Variants in OR4K14 observed in about 807,000 individuals in gnomAD.
OR4K14 encodes olfactory receptor family 4 subfamily K member 14.
For missense variants in OR4K14, 406 were observed against 373.6 expected (o/e 1.09, Z -0.72); for synonymous variants, 153 against 141.5 (o/e 1.08, Z -0.58).
At chr14:20,016,627 T>C (rs9323359) in intron 1 of OR4K14, among the ~76,000 whole-genome samples, 3,787 of 152,128 alleles carry the variant, frequency 0.025, 149 homozygotes, top group African/African-American at 0.084. Context: ...TGGGACTCTT[T>C]CCTCTTTCTT....
In OR4K14 at chr14:20,015,062, G is replaced by A. The variant is rs1239244740; in HGVS notation, c.132C>T (p.Leu44=). ...GATCAGAAATTACAGTGACCAAAATGAGAAGGTTACCCAGCATAATGGCCA... is the reference window on the plus strand; with the variant it reads ...GATCAGAAATTACAGTGACCAAAATAAGAAGGTTACCCAGCATAATGGCCA... The part of the protein sequence containing the change: ...VYVAIMLGNL[L]ILVTVISDPC... The change falls in exon 2 of 2, where the codon CTC becomes CTT. Residue 44 remains leucine, a synonymous_variant. Transcript: ENST00000641793. 1.2e-6 allele frequency: 2 copies of A among 1,613,864 alleles called. No homozygotes were observed. The highest frequency in any genetic ancestry group is 1.7e-5 in the Admixed American group (1 of 59,988).
Position 20,014,387 on chromosome 14 carries a change from G to T in OR4K14, c.807C>A (p.Asp269Glu). 6.2e-7 allele frequency: 1 copy of T among 1,613,932 alleles called. No homozygotes were observed. Among genetic ancestry groups the T allele is most frequent in the Non-Finnish European group, 8.5e-7 (1 of 1,179,894 alleles). ...YVRPFSRFSVDKLLSVFYTIF... is the reference protein window; with the variant it reads ...YVRPFSRFSVEKLLSVFYTIF... The stretch of plus-strand genomic sequence containing the variant: ...TGGTATAAAACACAGACAGCAGCTT[G>T]TCCACAGAGAACCTACTGAAAGGCC... Residue 269 changes from aspartate to glutamate, a missense_variant, in exon 2 of 2, where the codon GAC becomes GAA. Transcript: ENST00000641793.
chr14:20,018,065 G>A (rs1322324641), intron 1 of OR4K14, among the ~76,000 whole-genome samples: 1 of 151,962 alleles, frequency 6.6e-6, no homozygotes, highest in Admixed American at 6.5e-5. Flanking sequence ...ATTTAATGTT[G>A]TTCCTTTATA....
chr14:20,015,324 C>T, intron 1 of OR4K14, 102 bp from the exon 2 acceptor site: 1 of 569,940 alleles, frequency 1.8e-6, no homozygotes. Flanking sequence ...AATGATGTCA[C>T]TTAATATGTG....
At chr14:20,017,667 G>A (rs1768819281) in intron 1 of OR4K14, among the ~76,000 whole-genome samples, 2 of 152,002 alleles carry the variant, frequency 1.3e-5, no homozygotes, top group African/African-American at 4.8e-5. Flanking sequence ...ACTAGACAAT[G>A]GGAAGGGTAG....
intron 1 of OR4K14, among the ~76,000 whole-genome samples, 155 bp downstream of exon 1, chr14:20,018,987 AT>A (rs1877153883): frequency 6.6e-6 from 1 of 152,046 alleles, no homozygotes; most frequent in Admixed American, 6.6e-5. Flanking sequence ...TTAAATTAAA[AT>A]ATAAATCCAA....
chr14:20,015,197 C>T lies in OR4K14; in HGVS notation c.-4G>A. 1 of 1,575,902 alleles carries T rather than the reference C, an allele frequency of 6.3e-7. No homozygotes were observed. Among genetic ancestry groups the T allele is most frequent in the Non-Finnish European group, 8.6e-7 (1 of 1,161,536 alleles). On this transcript the variant is annotated 5_prime_UTR_variant, in exon 2 of 2. Transcript: ENST00000641793. ...AGGAATAGTTCTGTGGGTCCATTGC[C>T]TCAGGTTTCAGACTTTGTTTGTAAT...
chr14:20,014,613 T>G lies in OR4K14; in HGVS notation c.581A>C (p.Tyr194Ser), dbSNP rs531583013. Reference sequence around the variant, plus strand: ...TGAGATCATAATTATACCCAAGACATAGGTGTCCATGCAGGCAAGTTTGAT... The same window carrying G: ...TGAGATCATAATTATACCCAAGACAGAGGTGTCCATGCAGGCAAGTTTGAT... ...LVIKLACMDT[Y>S]VLGIIMISDS... The change falls in exon 2 of 2, where the codon TAT (tyrosine) becomes TCT (serine). Residue 194 changes from tyrosine (Y) to serine (S), a missense_variant. Coordinates refer to ENST00000641793, the MANE Select transcript of OR4K14 (RefSeq NM_001004712.2). 1 of 1,613,836 alleles carries G rather than the reference T, an allele frequency of 6.2e-7. No homozygotes were observed. The highest frequency in any genetic ancestry group is 1.7e-5 in the Admixed American group (1 of 59,994).
In OR4K14 at chr14:20,014,649, A is replaced by G. The variant is rs1877052475; in HGVS notation, c.545T>C (p.Leu182Pro). Residue 182 changes from leucine to proline, a missense_variant, in exon 2 of 2, where the codon CTC becomes CCC. Coordinates refer to ENST00000641793, the MANE Select transcript of OR4K14 (RefSeq NM_001004712.2). ...PNEVDSFFCDLPLVIKLACMD... is the reference protein window; with the variant it reads ...PNEVDSFFCDPPLVIKLACMD... ...GCAGGCAAGTTTGATCACCAGAGGG[A>G]GGTCACAGAAGAAGCTGTCTACCTC... 4 of 1,613,946 alleles carry G rather than the reference A, an allele frequency of 2.5e-6. No homozygotes were observed. Among genetic ancestry groups the G allele is most frequent in the Non-Finnish European group, 3.4e-6 (4 of 1,179,972 alleles).
At chr14:20,018,793 T>C (rs1877150019) in intron 1 of OR4K14, among the ~76,000 whole-genome samples, 1 of 151,986 alleles carries the variant, frequency 6.6e-6, no homozygotes, top group South Asian at 2.1e-4. Flanking sequence ...CTTTATGATA[T>C]ATAAATTATA....
chr14:20,017,523 A>T (rs1877122741), intron 1 of OR4K14, among the ~76,000 whole-genome samples: 1 of 97,662 alleles, frequency 1.0e-5, no homozygotes, highest in Admixed American at 1.3e-4. Context: ...CTATAAATGA[A>T]TTAGATCATT....
intron 1 of OR4K14, among the ~76,000 whole-genome samples, chr14:20,016,662 G>A (rs1010722533): frequency 6.6e-6 from 1 of 152,018 alleles, no homozygotes; most frequent in Admixed American, 6.6e-5. Context: ...ACCTGGATAT[G>A]TATAATTTGC....
chr14:20,014,225 TGAATAGAAACA>T lies in OR4K14; in HGVS notation c.*25_*35del. The T allele has an allele frequency of 7.7e-7, 1 of 1,297,662 alleles. No homozygotes were observed. The allele number at this position is 1,297,662 out of a possible 1,614,324, so 80.4% of individuals were successfully genotyped here. A position where few individuals can be genotyped will look rare whatever the true frequency, so the allele number is the denominator to read the frequency against. ...TATTAAAGAAATTATATCTGCTGAA[TGAATAGAAACA>T]TCTAACACTATGGAAGGCTGGATTT... On this transcript the variant is annotated 3_prime_UTR_variant, in exon 2 of 2. Coordinates refer to ENST00000641793, the MANE Select transcript of OR4K14 (RefSeq NM_001004712.2).
rs74509953 is a variant in OR4K14 at position 20,015,421 on chromosome 14, G to A, written c.-29-199C>T. Among the ~76,000 whole-genome samples, 708 of 152,188 alleles carry A rather than the reference G, an allele frequency of 4.7e-3. 4 individuals are homozygous for A. The highest frequency in any genetic ancestry group is 0.016 in the African/African-American group (673 of 41,518). ...AAGGAGAAGGGTGAGGGATAAGTTC[G>A]TCAAAGAACAAAGTTTCAATTAGAC... On this transcript the variant is annotated intron_variant, in intron 1 of 1. Coordinates refer to ENST00000641793, the MANE Select transcript of OR4K14 (RefSeq NM_001004712.2).
Position 20,014,298 on chromosome 14 carries a change from A to G in OR4K14, c.896T>C (p.Met299Thr), listed in dbSNP as rs781302555. The change falls in exon 2 of 2, where the codon ATG (methionine) becomes ACG (threonine). Residue 299 changes from methionine (M) to threonine (T), a missense_variant. By Grantham distance (81) the Met-to-Thr change is moderately conservative (BLOSUM62 -1). Transcript: ENST00000641793. ...CACCCGTCGGTTTTGCAGTTTCTTC[A>G]TAGCTGCTTTCATCTCCTCATTTCT... ...TLRNEEMKAA[M>T]KKLQNRRVTF... is the part of the protein sequence containing the mutation. 4 of 1,611,482 alleles carry G rather than the reference A, an allele frequency of 2.5e-6. No individual in the cohort carries two copies. Among genetic ancestry groups the G allele is most frequent in the Non-Finnish European group, 3.4e-6 (4 of 1,178,900 alleles).
intron 1 of OR4K14, among the ~76,000 whole-genome samples, chr14:20,017,707 G>A (rs926172036): frequency 2.0e-5 from 3 of 151,928 alleles, no homozygotes; most frequent in Non-Finnish European, 4.4e-5. Flanking sequence ...AAGGGAGGAT[G>A]ATTAATGAGT....
rs530089653 is a variant in OR4K14, at chr14:20,014,193, A to T, written c.*68T>A. 23 of 982,530 alleles carry T rather than the reference A, an allele frequency of 2.3e-5. No homozygotes were observed. The East Asian group carries it at 5.4e-4, about 23-fold the overall frequency. The allele number at this position is 982,530 out of a possible 1,614,324, so 60.9% of individuals were successfully genotyped here. A position where few individuals can be genotyped will look rare whatever the true frequency, so the allele number is the denominator to read the frequency against. ...TAGTGTCAGAATGAAATCTTTGAGC[A>T]GAATTATATTAAAGAAATTATATCT... On this transcript the variant is annotated 3_prime_UTR_variant, in exon 2 of 2. Transcript: ENST00000641793.
Position 20,014,709 on chromosome 14 carries a change from G to T in OR4K14, c.485C>A (p.Ala162Asp). Residue 162 changes from alanine (A) to aspartate (D), a missense_variant, in exon 2 of 2, where the codon GCT becomes GAT. By Grantham distance (126) the Ala-to-Asp change is moderately radical. Coordinates refer to ENST00000641793, the MANE Select transcript of OR4K14 (RefSeq NM_001004712.2). The part of the protein sequence containing the change: ...VGFVHSISQV[A>D]FTVNLPYCGP... ...ACAGTAAGGCAAATTTACAGTGAAA[G>T]CCACTTGACTGATGGAGTGCACAAA... 1.2e-6 allele frequency: 2 copies of T among 1,614,018 alleles called. No individual in the cohort carries two copies. Among genetic ancestry groups the T allele is most frequent in the Non-Finnish European group, 1.7e-6 (2 of 1,179,956 alleles).
In OR4K14 at chr14:20,016,720, A is replaced by G. The variant is rs192701080; in HGVS notation, c.-29-1498T>C. ...TGACACGATTTACTTACAGACTTAT[A>G]GAATATTTCAATATGCTGGAAATAT... is the stretch of plus-strand genomic sequence containing the variant. On this transcript the variant is annotated intron_variant, in intron 1 of 1. Coordinates refer to ENST00000641793, the MANE Select transcript of OR4K14 (RefSeq NM_001004712.2). Among the ~76,000 whole-genome samples the G allele has an allele frequency of 1.1e-4, 17 of 152,286 alleles. No homozygotes were observed. In the East Asian group the frequency reaches 3.1e-3, roughly 28 times the overall value.
Sources: allele counts gnomAD v4.1 joint callset (sites outside exome capture counted in the v4.1 genomes callset), GRCh38; gene constraint gnomAD v4.1.1; transcripts MANE v1.5; gene names NCBI Gene and HGNC (gene_info 2026-07-23, HGNC 2026-07-21).